Variants in GRIK3 observed in about 807,000 individuals in gnomAD.
GRIK3 encodes glutamate ionotropic receptor kainate type subunit 3.
In GRIK3, 29 loss-of-function variants were observed where a neutral mutation model predicts 102.5. That is an observed-to-expected ratio of 0.28 (90% CI 0.21 to 0.39). The LOEUF (loss-of-function observed/expected upper bound fraction) is 0.39, where lower values mean the gene tolerates loss of function less well. Among genes scored for constraint, GRIK3 ranks in the 10% least tolerant of loss-of-function variants. The probability of loss-of-function intolerance (pLI) is 1.00; values close to 1 mark genes in which losing one functional copy is unlikely to be tolerated. For synonymous variants in GRIK3, 511 were observed against 504.9 expected (o/e 1.01, Z -0.16); for missense variants, 908 against 1,252.4 (o/e 0.73, Z 4.15).
chr1:36,838,518 C>T (rs111884105), intron 10 of GRIK3, among the ~76,000 whole-genome samples: 4 of 152,064 alleles, frequency 2.6e-5, no homozygotes, highest in Non-Finnish European at 5.9e-5. Flanking sequence ...TTGCGGCAGG[C>T]GAGTGTGTCA....
chr1:36,945,169 G>A (rs1246530818), intron 1 of GRIK3, among the ~76,000 whole-genome samples: 6 of 152,264 alleles, frequency 3.9e-5, no homozygotes, highest in Admixed American at 3.3e-4. Flanking sequence ...GGCCGGTGTC[G>A]AGCTAATTTA....
chr1:36,933,248 C>T (rs1167069096), intron 1 of GRIK3, among the ~76,000 whole-genome samples: 1 of 152,198 alleles, frequency 6.6e-6, no homozygotes, highest in African/African-American at 2.4e-5. Context: ...CCATTCCCCA[C>T]CTCTCTGCCA....
At chr1:36,853,952 A>G (rs962674872) in intron 7 of GRIK3, among the ~76,000 whole-genome samples, 2 of 152,164 alleles carry the variant, frequency 1.3e-5, no homozygotes, top group Non-Finnish European at 1.5e-5. Context: ...TCTCGTGTAC[A>G]ACATCGATCT....
chr1:36,804,850 T>A, intron 15 of GRIK3, 137 bp downstream of exon 15: 1 of 1,149,914 alleles, frequency 8.7e-7, no homozygotes, highest in Non-Finnish European at 1.2e-6. Flanking sequence ...GTGGCAGGGC[T>A]TGCTGGCCGA....
intron 1 of GRIK3, among the ~76,000 whole-genome samples, chr1:36,938,524 C>T (rs1641684680): frequency 6.6e-6 from 1 of 152,142 alleles, no homozygotes; most frequent in Admixed American, 6.6e-5. Flanking sequence ...GTGTTTTCAG[C>T]CTGGACTGAC....
intron 1 of GRIK3, among the ~76,000 whole-genome samples, chr1:36,901,200 C>T (rs767801418): frequency 2.0e-5 from 3 of 152,166 alleles, no homozygotes; most frequent in Non-Finnish European, 4.4e-5. Context: ...CAGCACTACT[C>T]TAATACCAAA....
At chr1:36,957,283 T>TCTGTGTGCCCCATGATC (rs59088259) in intron 1 of GRIK3, among the ~76,000 whole-genome samples, 2 of 150,092 alleles carry the variant, frequency 1.3e-5, no homozygotes, top group Admixed American at 1.3e-4. Flanking sequence ...GTTCTGTGAG[T>TCTGTGTGCCCCATGATC]CTGTGTGCCC....
chr1:36,834,091 C>T (rs2124207484), intron 10 of GRIK3, among the ~76,000 whole-genome samples: 1 of 152,276 alleles, frequency 6.6e-6, no homozygotes, highest in South Asian at 2.1e-4. Flanking sequence ...ATATCTATTC[C>T]TATGTTCATA....
At chr1:36,963,369 G>C (rs113776492) in intron 1 of GRIK3, among the ~76,000 whole-genome samples, 4 of 152,280 alleles carry the variant, frequency 2.6e-5, no homozygotes, top group Admixed American at 1.3e-4. Flanking sequence ...CAGGCAGAAC[G>C]TGAGAGTCAC....
Position 36,817,264 on chromosome 1 carries a change from C to A in GRIK3, c.1887G>T (p.Met629Ile). 2 of 1,611,604 alleles carry A rather than the reference C, an allele frequency of 1.2e-6. No individual in the cohort carries two copies. Among genetic ancestry groups the A allele is most frequent in the East Asian group, 2.2e-5 (1 of 44,870 alleles). Reference protein sequence around the residue: ...GSLMQQGSELMPKALSTRIIG... With the variant: ...GSLMQQGSELIPKALSTRIIG... ...TGATGCGTGTGGACAGGGCTTTGGG[C>A]ATCAGCTCAGACCCTGGGCGAAGAG... Residue 629 changes from methionine to isoleucine, a missense_variant, in exon 13 of 16, where the codon ATG becomes ATT. Physicochemically the swap from Met to Ile is conservative, Grantham distance 10 (BLOSUM62 1). Coordinates refer to ENST00000373091, the MANE Select transcript of GRIK3 (RefSeq NM_000831.4).
intron 1 of GRIK3, among the ~76,000 whole-genome samples, chr1:36,907,881 C>T (rs1641301780): frequency 6.6e-6 from 1 of 152,142 alleles, no homozygotes; most frequent in Non-Finnish European, 1.5e-5. Context: ...TCACAGGCTA[C>T]CCCTTTCTCT....
intron 13 of GRIK3, among the ~76,000 whole-genome samples, chr1:36,811,686 G>A (rs1319189123): frequency 6.6e-6 from 1 of 152,108 alleles, no homozygotes; most frequent in Non-Finnish European, 1.5e-5. Context: ...GGAATTTCGG[G>A]GCAAGAGGAA....
intron 2 of GRIK3, among the ~76,000 whole-genome samples, chr1:36,882,231 A>C (rs1640988882): frequency 6.6e-6 from 1 of 152,220 alleles, no homozygotes; most frequent in Non-Finnish European, 1.5e-5. Context: ...CCGAATCATC[A>C]TCTGAATGTT....
Position 36,859,824 on chromosome 1 carries a change from A to G in GRIK3, c.960+20T>C, listed in dbSNP as rs1640699122. 1.2e-6 allele frequency: 2 copies of G among 1,602,794 alleles called. No homozygotes were observed. Among genetic ancestry groups the G allele is most frequent in the Non-Finnish European group, 1.7e-6 (2 of 1,170,600 alleles). On this transcript the variant is annotated intron_variant, in intron 6 of 15. Coordinates refer to ENST00000373091, the MANE Select transcript of GRIK3 (RefSeq NM_000831.4). ...GGCAGGTGGGAAGCCCCTGGAATTC[A>G]CCTCACCCAGCCGCCTTACCATCAT...
At chr1:36,906,209 G>A (rs1316507087) in intron 1 of GRIK3, among the ~76,000 whole-genome samples, 1 of 152,212 alleles carries the variant, frequency 6.6e-6, no homozygotes, top group African/African-American at 2.4e-5. Flanking sequence ...CACATGTGTG[G>A]TGCTCCACTC....
At chr1:36,932,786 G>T (rs538185782) in intron 1 of GRIK3, among the ~76,000 whole-genome samples, 1 of 152,292 alleles carries the variant, frequency 6.6e-6, no homozygotes, top group East Asian at 1.9e-4. Context: ...TGTCACAAGT[G>T]TATCTACAGT....
chr1:36,973,416 CTTTTTTTTTTTTT>C lies in GRIK3; in HGVS notation c.115+60565_115+60577del, dbSNP rs35394730. Among the ~76,000 whole-genome samples the C allele has an allele frequency of 2.6e-5, 3 of 114,960 alleles. No individual in the cohort carries two copies. The East Asian group carries it at 6.7e-4, about 26-fold the overall frequency. 75.4% of individuals were successfully genotyped at this position (114,960 alleles called of 152,430 possible). A position where few individuals can be genotyped will look rare whatever the true frequency, so the allele number is the denominator to read the frequency against. On this transcript the variant is annotated intron_variant, in intron 1 of 15. Coordinates refer to ENST00000373091, the MANE Select transcript of GRIK3 (RefSeq NM_000831.4). ...TCAGCTTAGACATCACTTCTTTTTC[CTTTTTTTTTTTTT>C]TTTTTTTTGAGACAGAATCTCGCTT...
intron 1 of GRIK3, among the ~76,000 whole-genome samples, chr1:37,020,091 T>C (rs1642693813): frequency 6.6e-6 from 1 of 152,198 alleles, no homozygotes; most frequent in Admixed American, 6.5e-5. Context: ...CTTTGAGCTC[T>C]AGTCCAGGTG....
At chr1:37,002,284 T>C (rs1389759086) in intron 1 of GRIK3, among the ~76,000 whole-genome samples, 1 of 152,208 alleles carries the variant, frequency 6.6e-6, no homozygotes, top group Non-Finnish European at 1.5e-5. Context: ...GGGCATATAG[T>C]CAAAGAAGCC....
Sources: allele counts gnomAD v4.1 joint callset (sites outside exome capture counted in the v4.1 genomes callset), GRCh38; gene constraint gnomAD v4.1.1; transcripts MANE v1.5; gene names NCBI Gene and HGNC (gene_info 2026-07-23, HGNC 2026-07-21).